Variants in SLC8A3 observed in about 807,000 individuals in gnomAD.
SLC8A3 encodes the protein sodium/calcium exchanger 3.
In SLC8A3, 37 loss-of-function variants were observed where a neutral mutation model predicts 65.4. The observed-to-expected ratio is 0.57, with a 90% CI of 0.44 to 0.74. The LOEUF is 0.74. Ranked by LOEUF, SLC8A3 falls within the 30% of genes least tolerant of loss-of-function variation. The pLI is 0.00. For synonymous variants in SLC8A3, 461 were observed against 444.5 expected (o/e 1.04, Z -0.47); for missense variants, 1,112 against 1,172.1 (o/e 0.95, Z 0.75).
In SLC8A3 at chr14:70,167,111, C is replaced by A; in HGVS notation, c.1312G>T (p.Gly438Cys). Residue 438 changes from glycine to cysteine, a missense_variant, in exon 2 of 7, where the codon GGT (glycine) becomes TGT (cysteine). Coordinates refer to ENST00000356921, the MANE Select transcript of SLC8A3 (RefSeq NM_182932.3). Reference protein sequence around the residue: ...TMYVDYKTEDGSANAGADYEF... With the variant: ...TMYVDYKTEDCSANAGADYEF... ...TAGTCAGCCCCTGCATTGGCAGAACCATCCTCTGTTTTGTAGTCCACATAC... is the reference window on the plus strand; with the variant it reads ...TAGTCAGCCCCTGCATTGGCAGAACAATCCTCTGTTTTGTAGTCCACATAC... 6.2e-7 allele frequency: 1 copy of A among 1,614,200 alleles called. No homozygotes were observed. The highest frequency in any genetic ancestry group is 1.1e-5 in the South Asian group (1 of 91,080).
intron 2 of SLC8A3, among the ~76,000 whole-genome samples, chr14:70,093,691 T>C (rs1891955530): frequency 6.6e-6 from 1 of 152,182 alleles, no homozygotes; most frequent in Admixed American, 6.5e-5. Flanking sequence ...GGGGTGAGCC[T>C]TCCCAATTCT....
intron 2 of SLC8A3, among the ~76,000 whole-genome samples, chr14:70,163,473 G>C (rs1896995139): frequency 6.6e-6 from 1 of 152,140 alleles, no homozygotes; most frequent in South Asian, 2.1e-4. Flanking sequence ...TATAGTGAGG[G>C]CAGATTTTCA....
At chr14:70,063,096 C>T (rs61977415) in intron 2 of SLC8A3, among the ~76,000 whole-genome samples, 11,530 of 152,250 alleles carry the variant, frequency 0.076, 523 homozygotes, top group Non-Finnish European at 0.11. Flanking sequence ...GGGGAAGCTT[C>T]CATTTGGGTC....
At chr14:70,179,853 G>GA (rs761052961) in intron 1 of SLC8A3, among the ~76,000 whole-genome samples, 1 of 152,220 alleles carries the variant, frequency 6.6e-6, no homozygotes, top group Non-Finnish European at 1.5e-5. Flanking sequence ...TCATACAGAA[G>GA]AAGAAATTGG....
Position 70,072,987 on chromosome 14 carries a change from C to T in SLC8A3, c.1785-12048G>A, listed in dbSNP as rs564849684. ...TTCAAATTTTTCCATACAAACTCTGCACTTCAATTATCTTCATTATGCCCC... is the reference window on the plus strand; with the variant it reads ...TTCAAATTTTTCCATACAAACTCTGTACTTCAATTATCTTCATTATGCCCC... On this transcript the variant is annotated intron_variant, in intron 2 of 6. Transcript: ENST00000356921. Among the ~76,000 whole-genome samples the T allele has an allele frequency of 1.3e-4, 20 of 152,170 alleles. No individual in the cohort carries two copies. In the South Asian group the frequency reaches 3.9e-3, roughly 30 times the overall value.
chr14:70,142,449 T>G (rs751550675), intron 2 of SLC8A3, among the ~76,000 whole-genome samples: 1 of 152,150 alleles, frequency 6.6e-6, no homozygotes, highest in African/African-American at 2.4e-5. Context: ...CTTTGCAAAT[T>G]TGTGTGAAAT....
intron 2 of SLC8A3, among the ~76,000 whole-genome samples, chr14:70,128,821 TAGGTATAA>T (rs1412850885): frequency 6.6e-6 from 1 of 152,206 alleles, no homozygotes; most frequent in Non-Finnish European, 1.5e-5. Flanking sequence ...ATGATAGGTG[TAGGTATAA>T]AAGTTTTCCT....
Position 70,168,307 on chromosome 14 carries a change from G to C in SLC8A3, c.116C>G (p.Pro39Arg). The C allele has an allele frequency of 6.2e-7, 1 of 1,614,096 alleles. No homozygotes were observed. The highest frequency in any genetic ancestry group is 8.5e-7 in the Non-Finnish European group (1 of 1,180,026). The change falls in exon 2 of 7, where the codon CCA (proline) becomes CGA (arginine). Residue 39 changes from proline to arginine, a missense_variant. By Grantham distance (103) the Pro-to-Arg change is moderately radical (BLOSUM62 -2). Transcript: ENST00000356921. ...RAEAGGSGDVPSTGQNNESCS... is the reference protein window; with the variant it reads ...RAEAGGSGDVRSTGQNNESCS... Reference sequence around the variant, plus strand: ...GGACTCATTGTTCTGCCCTGTGCTTGGCACGTCCCCTGAGCCACCAGCCTC... The same window carrying C: ...GGACTCATTGTTCTGCCCTGTGCTTCGCACGTCCCCTGAGCCACCAGCCTC...
chr14:70,082,840 C>T, intron 2 of SLC8A3, among the ~76,000 whole-genome samples: 1 of 152,180 alleles, frequency 6.6e-6, no homozygotes, highest in Admixed American at 6.5e-5. Flanking sequence ...CCAAATTCAC[C>T]AGCCTTCTGT....
chr14:70,067,288 T>C (rs368958075), intron 2 of SLC8A3, among the ~76,000 whole-genome samples: 117 of 152,344 alleles, frequency 7.7e-4, no homozygotes, highest in African/African-American at 2.8e-3. Flanking sequence ...AGAGGACTCC[T>C]GGCTCCACCA....
chr14:70,063,816 A>G, intron 2 of SLC8A3: 1 of 1,482,844 alleles, frequency 6.7e-7, no homozygotes, highest in East Asian at 2.3e-5. Context: ...AGGACAGGGT[A>G]CTACACCTTT....
intron 2 of SLC8A3, chr14:70,063,689 G>A (rs1291198133): frequency 3.3e-6 from 2 of 614,862 alleles, no homozygotes; most frequent in South Asian, 2.1e-5. Context: ...AGGAGAGAGA[G>A]CAAGAGAGGA....
chr14:70,162,471 T>C (rs537145286), intron 2 of SLC8A3, among the ~76,000 whole-genome samples: 1 of 152,346 alleles, frequency 6.6e-6, no homozygotes, highest in Admixed American at 6.5e-5. Context: ...ACAGCCAACA[T>C]GCTTTTTTTC....
At chr14:70,153,749 G>A (rs1896413968) in intron 2 of SLC8A3, among the ~76,000 whole-genome samples, 1 of 152,164 alleles carries the variant, frequency 6.6e-6, no homozygotes, top group Non-Finnish European at 1.5e-5. Context: ...TTGGTCAACA[G>A]GGCTGGCATA....
chr14:70,077,143 A>G (rs1354432188), intron 2 of SLC8A3, among the ~76,000 whole-genome samples: 1 of 150,912 alleles, frequency 6.6e-6, no homozygotes, highest in Non-Finnish European at 1.5e-5. Context: ...CAATAAAGTG[A>G]TTTTTTTTTT....
At chr14:70,089,371 C>G (rs1331419712) in intron 2 of SLC8A3, among the ~76,000 whole-genome samples, 2 of 152,096 alleles carry the variant, frequency 1.3e-5, no homozygotes, top group African/African-American at 4.8e-5. Context: ...AGTTTCCAAA[C>G]CATAACAGGA....
chr14:70,153,282 C>A (rs555431981), intron 2 of SLC8A3, among the ~76,000 whole-genome samples: 68 of 152,182 alleles, frequency 4.5e-4, no homozygotes, highest in Non-Finnish European at 7.8e-4. Context: ...GTGTGAGGCA[C>A]CTTTACTAGA....
chr14:70,186,049 C>T (rs952398208), intron 1 of SLC8A3, among the ~76,000 whole-genome samples: 1 of 152,142 alleles, frequency 6.6e-6, no homozygotes, highest in African/African-American at 2.4e-5. Flanking sequence ...ATTGTAGTTC[C>T]TATAATCCCT....
intron 2 of SLC8A3, among the ~76,000 whole-genome samples, chr14:70,166,046 T>G (rs913310921): frequency 1.3e-5 from 2 of 152,240 alleles, no homozygotes; most frequent in African/African-American, 4.8e-5. Flanking sequence ...AAATAGTCTA[T>G]GGTCATTTAA....
Sources: gnomAD v4.1 joint callset for allele counts (sites outside exome capture counted in the v4.1 genomes callset) on GRCh38, gnomAD v4.1.1 for gene constraint, MANE v1.5 for transcripts, NCBI Gene and HGNC (gene_info 2026-07-23, HGNC 2026-07-21) for gene names.